LIPC: variants seen among roughly 807,000 people sequenced by gnomAD.
LIPC encodes the protein hepatic triacylglycerol lipase.
A neutral mutation model predicts 50.7 loss-of-function variants in LIPC; 44 were observed. That is an observed-to-expected ratio of 0.87 (90% CI 0.68 to 1.11). LIPC has a LOEUF of 1.11. Ranked by LOEUF, LIPC falls within the 50% of genes most tolerant of loss-of-function variation. LIPC has a pLI of 0.00. For missense variants in LIPC, 697 were observed against 648.2 expected, an observed-to-expected ratio of 1.08 and a Z score of -0.82; for synonymous variants, 271 against 256.4, an observed-to-expected ratio of 1.06 and a Z score of -0.54.
At chr15:58,533,418 T>C (rs1893014774) in intron 1 of LIPC, among the ~76,000 whole-genome samples, 1 of 152,186 alleles carries the variant, frequency 6.6e-6, no homozygotes, top group African/African-American at 2.4e-5. Flanking sequence ...TATAAAGAGA[T>C]ATAAATAGGA....
intron 1 of LIPC, among the ~76,000 whole-genome samples, chr15:58,479,687 G>T (rs573017886): frequency 6.6e-6 from 1 of 152,162 alleles, no homozygotes. Flanking sequence ...GAATTGTTTT[G>T]TTACAAGGGT....
chr15:58,460,774 A>G (rs1349626469), intron 1 of LIPC, among the ~76,000 whole-genome samples: 1 of 152,218 alleles, frequency 6.6e-6, no homozygotes, highest in African/African-American at 2.4e-5. Context: ...CAGCTGTTAG[A>G]GAACAGCCAG....
At chr15:58,444,862 G>A (rs1353410321) in intron 1 of LIPC, among the ~76,000 whole-genome samples, 1 of 152,240 alleles carries the variant, frequency 6.6e-6, no homozygotes, top group East Asian at 1.9e-4. Flanking sequence ...CGGGTCCTGG[G>A]CTTGGCACTG....
At chr15:58,551,298 C>T (rs1212872949) in intron 6 of LIPC, among the ~76,000 whole-genome samples, 1 of 152,216 alleles carries the variant, frequency 6.6e-6, no homozygotes, top group Non-Finnish European at 1.5e-5. Flanking sequence ...GGAAAGTGCA[C>T]TCATGCGAGA....
chr15:58,481,681 C>A (rs2140775428), intron 1 of LIPC, among the ~76,000 whole-genome samples: 1 of 152,270 alleles, frequency 6.6e-6, no homozygotes, highest in Middle Eastern at 3.4e-3. Context: ...ACCTGTAACC[C>A]CAGCTACTCG....
chr15:58,527,543 C>G (rs1430630250), intron 1 of LIPC, among the ~76,000 whole-genome samples: 1 of 152,216 alleles, frequency 6.6e-6, no homozygotes, highest in African/African-American at 2.4e-5. Context: ...GTACCACCCA[C>G]CAATGGAGTT....
intron 1 of LIPC, among the ~76,000 whole-genome samples, chr15:58,503,750 G>A (rs1297330509): frequency 6.6e-6 from 1 of 152,190 alleles, no homozygotes; most frequent in Non-Finnish European, 1.5e-5. Flanking sequence ...CCAGAGACAG[G>A]GCACAGAGCA....
intron 1 of LIPC, among the ~76,000 whole-genome samples, chr15:58,517,482 C>G (rs1182560568): frequency 1.3e-5 from 2 of 152,228 alleles, no homozygotes; most frequent in African/African-American, 4.8e-5. Flanking sequence ...GGAGCGAACC[C>G]CTTCAGAGGT....
chr15:58,479,417 G>A lies in LIPC; in HGVS notation c.88+47297G>A, dbSNP rs1267111206. ...GAATTTCTAATAAATACCTTTGATT[G>A]TTCCTTTGTCTCTATCCTTTACTAA... On this transcript the variant is annotated intron_variant, in intron 1 of 8. Transcript: ENST00000299022. Among the ~76,000 whole-genome samples, 4 of 152,294 alleles carry A rather than the reference G, an allele frequency of 2.6e-5. No homozygotes were observed. The East Asian group carries it at 5.8e-4, about 22-fold the overall frequency.
intron 1 of LIPC, among the ~76,000 whole-genome samples, chr15:58,480,257 T>C (rs954407620): frequency 1.3e-5 from 2 of 152,130 alleles, no homozygotes; most frequent in Non-Finnish European, 2.9e-5. Flanking sequence ...CTAAGACATG[T>C]GTTGTCCATA....
intron 1 of LIPC, among the ~76,000 whole-genome samples, chr15:58,488,110 A>C (rs1302747351): frequency 3.9e-5 from 6 of 152,206 alleles, no homozygotes; most frequent in African/African-American, 7.2e-5. Context: ...ATTTCTACTA[A>C]AACTACAAAA....
intron 4 of LIPC, among the ~76,000 whole-genome samples, chr15:58,545,195 C>T (rs17190650): frequency 0.39 from 58,870 of 151,876 alleles, 12,450 homozygotes; most frequent in Middle Eastern, 0.49. Context: ...GTACTCAAAA[C>T]TGATTTGCTC....
chr15:58,543,049 T>C (rs1893391693), intron 4 of LIPC, among the ~76,000 whole-genome samples: 1 of 152,198 alleles, frequency 6.6e-6, no homozygotes, highest in Non-Finnish European at 1.5e-5. Flanking sequence ...GTGCCTCCGT[T>C]TCCACATTTG....
intron 1 of LIPC, among the ~76,000 whole-genome samples, chr15:58,471,090 G>A (rs1048069539): frequency 6.6e-6 from 1 of 151,222 alleles, no homozygotes; most frequent in African/African-American, 2.4e-5. Context: ...AATGACCTAA[G>A]GTCTAGGCCA....
intron 1 of LIPC, among the ~76,000 whole-genome samples, chr15:58,521,117 A>G (rs1051656043): frequency 6.6e-6 from 1 of 152,162 alleles, no homozygotes; most frequent in Admixed American, 6.5e-5. Flanking sequence ...GCTCCTGACC[A>G]TAGGAAGGGG....
At chr15:58,473,187 T>C (rs1244836649) in intron 1 of LIPC, among the ~76,000 whole-genome samples, 1 of 152,080 alleles carries the variant, frequency 6.6e-6, no homozygotes, top group Non-Finnish European at 1.5e-5. Flanking sequence ...GTTTCCTGCA[T>C]TTCCTATGTT....
Position 58,542,575 on chromosome 15 carries a change from G to C in LIPC, c.498G>C (p.Gly166=), listed in dbSNP as rs771180270. The C allele has an allele frequency of 6.2e-6, 10 of 1,613,698 alleles. No homozygotes were observed. Among genetic ancestry groups the C allele is most frequent in the African/African-American group, 1.3e-5 (1 of 74,906 alleles). Residue 166 remains glycine, a synonymous_variant, in exon 4 of 9, where the codon GGG becomes GGC. Transcript: ENST00000299022. ...QLSRSHVHLI[G]YSLGAHVSGF... is the part of the protein sequence containing the mutation. The stretch of plus-strand genomic sequence containing the variant: ...CTCGAAGCCATGTTCACCTAATTGG[G>C]TACAGCCTGGGTGCACACGTGTCAG...
At chr15:58,479,144 A>C (rs1342490031) in intron 1 of LIPC, among the ~76,000 whole-genome samples, 17 of 152,338 alleles carry the variant, frequency 1.1e-4, no homozygotes, top group Non-Finnish European at 1.5e-4. Context: ...ACACACCTTA[A>C]GATGCAATGT....
At chr15:58,550,189 G>A (rs1231015613) in intron 6 of LIPC, among the ~76,000 whole-genome samples, 2 of 152,120 alleles carry the variant, frequency 1.3e-5, no homozygotes, top group Admixed American at 6.5e-5. Flanking sequence ...TAAACCTGCC[G>A]CTGGTCTGTT....
Sources: allele counts gnomAD v4.1 joint callset (sites outside exome capture counted in the v4.1 genomes callset), GRCh38; gene constraint gnomAD v4.1.1; transcripts MANE v1.5; gene names NCBI Gene and HGNC (gene_info 2026-07-23, HGNC 2026-07-21).